Variants in TMEM117 observed in about 807,000 individuals in gnomAD.
TMEM117 encodes transmembrane protein 117.
TMEM117 carries 27 observed loss-of-function variants against 52.4 expected under a neutral mutation model. The observed-to-expected ratio is 0.51, with a 90% CI of 0.38 to 0.71. TMEM117 has a LOEUF of 0.71. Among genes scored for constraint, TMEM117 ranks in the 30% least tolerant of loss-of-function variants. TMEM117 has a pLI of 0.00. For missense variants in TMEM117, 556 were observed against 630.5 expected (o/e 0.88, Z 1.26); for synonymous variants, 215 against 206.3 (o/e 1.04, Z -0.36).
chr12:43,961,739 G>A (rs1945407197), intron 3 of TMEM117, among the ~76,000 whole-genome samples: 1 of 152,116 alleles, frequency 6.6e-6, no homozygotes, highest in Admixed American at 6.5e-5. Flanking sequence ...CACATGTTGT[G>A]TGTGTATTCG....
chr12:43,891,341 C>T (rs1013750856), intron 2 of TMEM117, among the ~76,000 whole-genome samples: 5 of 129,630 alleles, frequency 3.9e-5, no homozygotes, highest in Non-Finnish European at 6.7e-5. Flanking sequence ...CATCTTCTAA[C>T]ATTTCTTTTG....
upstream of TMEM117, among the ~76,000 whole-genome samples, chr12:43,835,745 C>G (rs948445735): frequency 6.6e-6 from 1 of 152,286 alleles, no homozygotes; most frequent in African/African-American, 2.4e-5. Context: ...GAGTCCGTCC[C>G]TCGCCTGCAG....
chr12:44,363,393 TG>T lies in TMEM117; in HGVS notation c.769-13200del, dbSNP rs202101784. ...CAATTACAGTACCCAGCTAGAAGGGTGGCAAGCAAAATATTTAATCATATTA... is the reference window on the plus strand; with the variant it reads ...CAATTACAGTACCCAGCTAGAAGGGTGCAAGCAAAATATTTAATCATATTA... On this transcript the variant is annotated intron_variant, in intron 6 of 7. Transcript: ENST00000266534. Among the ~76,000 whole-genome samples, 803 of 152,282 alleles carry T rather than the reference TG, an allele frequency of 5.3e-3. 12 individuals carry two copies. The highest frequency in any genetic ancestry group is 0.018 in the African/African-American group (732 of 41,572).
rs189238860 is a variant in TMEM117, at chr12:44,300,846, T to A, written c.768+1107T>A. Among the ~76,000 whole-genome samples the A allele has an allele frequency of 5.3e-5, 8 of 152,372 alleles. No homozygotes were observed. In the East Asian group the frequency reaches 1.3e-3, roughly 26 times the overall value. On this transcript the variant is annotated intron_variant, in intron 6 of 7. Coordinates refer to ENST00000266534, the MANE Select transcript of TMEM117 (RefSeq NM_032256.3). ...AATAGCAATGGAAAAAACTTTCCAA[T>A]CTGACTTTGAGTTAGACAGCACTGG...
chr12:44,106,537 A>G (rs1947956852), intron 3 of TMEM117, among the ~76,000 whole-genome samples: 2 of 152,108 alleles, frequency 1.3e-5, no homozygotes, highest in African/African-American at 4.8e-5. Flanking sequence ...TCAGTTAAAC[A>G]GGAGAAATAA....
intron 4 of TMEM117, among the ~76,000 whole-genome samples, chr12:44,153,228 GCCCAAGGT>G (rs1259230050): frequency 6.6e-6 from 1 of 151,964 alleles, no homozygotes; most frequent in Non-Finnish European, 1.5e-5. Flanking sequence ...TCTTGCCCTT[GCCCAAGGT>G]GACACAGATA....
At chr12:44,376,417 A>G (rs1176452587) in intron 6 of TMEM117, 178 bp from the exon 7 acceptor site, 4 of 736,288 alleles carry the variant, frequency 5.4e-6, no homozygotes, top group South Asian at 1.5e-5. Context: ...TTGATTTTGA[A>G]TGCATACTGC....
At chr12:44,131,051 C>G (rs1948406357) in intron 3 of TMEM117, among the ~76,000 whole-genome samples, 1 of 152,032 alleles carries the variant, frequency 6.6e-6, no homozygotes, top group Non-Finnish European at 1.5e-5. Flanking sequence ...ATATATTTCT[C>G]TCTTTGTGGT....
At chr12:43,943,448 GAT>G (rs1366567410) in intron 2 of TMEM117, among the ~76,000 whole-genome samples, 2 of 152,010 alleles carry the variant, frequency 1.3e-5, no homozygotes, top group Non-Finnish European at 2.9e-5. Context: ...ATCGAATTCT[GAT>G]ATTAGTAATT....
At chr12:44,191,271 C>G (rs933144496) in intron 4 of TMEM117, among the ~76,000 whole-genome samples, 1 of 152,018 alleles carries the variant, frequency 6.6e-6, no homozygotes, top group Non-Finnish European at 1.5e-5. Context: ...TCTAACTGGT[C>G]CCTCCCATGG....
the TMEM117 span, among the ~76,000 whole-genome samples, chr12:43,819,247 G>T: frequency 6.6e-6 from 1 of 152,064 alleles, no homozygotes; most frequent in African/African-American, 2.4e-5. Context: ...CTTAGTTTTG[G>T]TAAAGGAAAA....
At chr12:44,314,339 T>G (rs1330930715) in intron 6 of TMEM117, among the ~76,000 whole-genome samples, 1 of 152,174 alleles carries the variant, frequency 6.6e-6, no homozygotes, top group Non-Finnish European at 1.5e-5. Context: ...CTTTTATACT[T>G]CTATTAAGAT....
At chr12:44,226,720 G>T (rs1949866584) in intron 5 of TMEM117, among the ~76,000 whole-genome samples, 1 of 152,040 alleles carries the variant, frequency 6.6e-6, no homozygotes, top group Admixed American at 6.6e-5. Context: ...TTAGGATACA[G>T]ACACACACAG....
intron 6 of TMEM117, among the ~76,000 whole-genome samples, chr12:44,362,467 A>G (rs1214053889): frequency 2.0e-5 from 3 of 152,244 alleles, no homozygotes; most frequent in Non-Finnish European, 2.9e-5. Context: ...AGCCATTTCT[A>G]CCTGATTCAT....
In TMEM117 at chr12:43,944,928, T is replaced by C. The variant is rs186723119; in HGVS notation, c.410+586T>C. Among the ~76,000 whole-genome samples the C allele has an allele frequency of 4.6e-3, 702 of 152,090 alleles. 5 individuals carry two copies. Among genetic ancestry groups the C allele is most frequent in the African/African-American group, 0.016 (676 of 41,478 alleles). On this transcript the variant is annotated intron_variant, in intron 3 of 7. Transcript: ENST00000266534. Reference sequence around the variant, plus strand: ...GAGATGGAGACCATCCTAGCCAACATGGTGAAACTCCATCTTTACTAAAAA... The same window carrying C: ...GAGATGGAGACCATCCTAGCCAACACGGTGAAACTCCATCTTTACTAAAAA...
At chr12:43,883,393 GC>G (rs1943931739) in intron 2 of TMEM117, among the ~76,000 whole-genome samples, 1 of 151,986 alleles carries the variant, frequency 6.6e-6, no homozygotes, top group Admixed American at 6.6e-5. Context: ...CATATACAAA[GC>G]CTGCCAAAAA....
intron 2 of TMEM117, among the ~76,000 whole-genome samples, chr12:43,921,030 T>A (rs1302628351): frequency 6.6e-6 from 1 of 152,166 alleles, no homozygotes; most frequent in East Asian, 1.9e-4. Flanking sequence ...CCCGTTCTTA[T>A]AAACTTGTCT....
At chr12:43,965,690 A>G (rs895705282) in intron 3 of TMEM117, among the ~76,000 whole-genome samples, 7 of 152,134 alleles carry the variant, frequency 4.6e-5, no homozygotes, top group African/African-American at 1.4e-4. Context: ...AATGTACACC[A>G]CTGCTTGGAC....
chr12:44,103,806 G>T (rs1947904896), intron 3 of TMEM117, among the ~76,000 whole-genome samples: 1 of 151,954 alleles, frequency 6.6e-6, no homozygotes, highest in East Asian at 1.9e-4. Context: ...CTCTTGAGAA[G>T]CTACAATATC....
Sources: allele counts gnomAD v4.1 joint callset (sites outside exome capture counted in the v4.1 genomes callset), GRCh38; gene constraint gnomAD v4.1.1; transcripts MANE v1.5; gene names NCBI Gene and HGNC (gene_info 2026-07-23, HGNC 2026-07-21).